AP2A2: variants seen among roughly 807,000 people sequenced by gnomAD.
The protein encoded by AP2A2 is adaptor related protein complex 2 subunit alpha 2, also known as AP-2 complex subunit alpha-2.
A neutral mutation model predicts 104.2 loss-of-function variants in AP2A2; 32 were observed. That is an observed-to-expected ratio of 0.31 (90% CI 0.23 to 0.41). The LOEUF (loss-of-function observed/expected upper bound fraction) is 0.41, where lower values mean the gene tolerates loss of function less well. Among genes scored for constraint, AP2A2 ranks in the 10% least tolerant of loss-of-function variants. The probability of loss-of-function intolerance (pLI) is 1.00; values close to 1 mark genes in which losing one functional copy is unlikely to be tolerated. For synonymous variants in AP2A2, 539 were observed against 533.3 expected (o/e 1.01, Z -0.15); for missense variants, 912 against 1,261.0 (o/e 0.72, Z 4.19).
chr11:1,008,051 A>AG lies in AP2A2; in HGVS notation c.2342dup (p.Ala782ArgfsTer98). 1 of 1,577,822 alleles carries AG rather than the reference A, an allele frequency of 6.3e-7. No individual in the cohort carries two copies. On this transcript the variant is annotated frameshift_variant, in exon 18 of 22. Transcript: ENST00000448903. LOFTEE classifies it high-confidence loss of function. ...ACCAAGCCCGTGGACCCGACCGTGG[A>AG]GGGGGGCGCGCAGGTGCAGCAGGTG...
chr11:983,548 A>G (rs1404136567), intron 6 of AP2A2, among the ~76,000 whole-genome samples: 4 of 150,938 alleles, frequency 2.7e-5, no homozygotes, highest in African/African-American at 4.9e-5. Context: ...ATGCCTGGCT[A>G]ATTTTTTGTA....
intron 14 of AP2A2, among the ~76,000 whole-genome samples, chr11:998,654 C>T (rs1855933769): frequency 6.6e-6 from 1 of 152,220 alleles, no homozygotes. Context: ...AGTCAGAGCC[C>T]TCCACATCTC....
At chr11:936,843 G>T (rs959429925) in intron 1 of AP2A2, among the ~76,000 whole-genome samples, 2 of 152,106 alleles carry the variant, frequency 1.3e-5, no homozygotes, top group Non-Finnish European at 2.9e-5. Context: ...GCAGCCTGTA[G>T]TCTGGGGCTA....
intron 16 of AP2A2, among the ~76,000 whole-genome samples, chr11:1,005,239 G>C (rs1856166584): frequency 6.6e-6 from 1 of 152,260 alleles, no homozygotes; most frequent in South Asian, 2.1e-4. Flanking sequence ...ACACGGGCCA[G>C]ACACCTGGAC....
rs375531485 is a variant in AP2A2 at position 972,140 on chromosome 11, C to T, written c.358C>T (p.Leu120=). The T allele has an allele frequency of 5.6e-6, 9 of 1,613,534 alleles. No individual in the cohort carries two copies. The highest frequency in any genetic ancestry group is 1.1e-5 in the South Asian group (1 of 91,036). The change falls in exon 4 of 22, where the codon CTG becomes TTG. Residue 120 remains leucine, a synonymous_variant. Transcript: ENST00000448903. The part of the protein sequence containing the change: ...RLINNAIKND[L]ASRNPTFMGL... ...GATCAACAACGCCATCAAGAATGAC[C>T]TGGCCAGCCGCAACCCCACCTTCAT...
chr11:991,708 TG>T (rs1194397214), intron 10 of AP2A2, among the ~76,000 whole-genome samples: 2 of 17,790 alleles, frequency 1.1e-4, no homozygotes, highest in South Asian at 1.6e-3. Flanking sequence ...GGACTTGGGG[TG>T]GGGGGGCACA....
chr11:986,192 C>G (rs1051577652), intron 8 of AP2A2, among the ~76,000 whole-genome samples: 1 of 152,218 alleles, frequency 6.6e-6, no homozygotes, highest in Non-Finnish European at 1.5e-5. Context: ...GGGCACGTGC[C>G]AGGCTGTGGG....
chr11:940,811 C>G (rs1484473821), intron 1 of AP2A2: 1 of 456,280 alleles, frequency 2.2e-6, no homozygotes, highest in Admixed American at 2.3e-5. Context: ...TGGCAGGGGC[C>G]TTCGCTGCAG....
chr11:968,933 C>T lies in AP2A2; in HGVS notation c.137-1236C>T, dbSNP rs556280766. Among the ~76,000 whole-genome samples, 3 of 152,336 alleles carry T rather than the reference C, an allele frequency of 2.0e-5. No homozygotes were observed. Among genetic ancestry groups the T allele is most frequent in the African/African-American group, 7.2e-5 (3 of 41,572 alleles). On this transcript the variant is annotated intron_variant, in intron 2 of 21. Transcript: ENST00000448903. The surrounding 1 kb of genome is among the most constrained non-coding windows in gnomAD (Gnocchi z 4.2). ...GCAGCTGACTGGCCGACTGGTGATG[C>T]ACCGTTCCCCAGGAAATGTGGCCGG...
rs1252577378 is a variant in AP2A2, at chr11:990,919, A to G, written c.1270-1584A>G. On this transcript the variant is annotated intron_variant, in intron 10 of 21. Transcript: ENST00000448903. ...TTCAGCTGGGCATGGTGCTCCCCCC[A>G]CCCCATCCTTTCAGTCGGGTATGGT... is the stretch of plus-strand genomic sequence containing the variant. Among the ~76,000 whole-genome samples, 49 of 97,358 alleles carry G rather than the reference A, an allele frequency of 5.0e-4. 1 individual carries two copies. Among genetic ancestry groups the G allele is most frequent in the African/African-American group, 2.0e-3 (48 of 24,250 alleles). 63.9% of individuals were successfully genotyped at this position (97,358 alleles called of 152,430 possible).
At chr11:931,926 C>T (rs1323603842) in intron 1 of AP2A2, among the ~76,000 whole-genome samples, 1 of 151,754 alleles carries the variant, frequency 6.6e-6, no homozygotes, top group Admixed American at 6.6e-5. Flanking sequence ...GCCTCAGCCT[C>T]CTGAGTAGCT....
rs918355478 is a variant in AP2A2 at position 993,569 on chromosome 11, G to A, written c.1551-185G>A. Reference sequence around the variant, plus strand: ...AGGGATTCTAGTAGAAAATGGAGACGTGGGGTTGATGGCTGACTTAGTGAA... The same window carrying A: ...AGGGATTCTAGTAGAAAATGGAGACATGGGGTTGATGGCTGACTTAGTGAA... On this transcript the variant is annotated intron_variant, in intron 12 of 21. Transcript: ENST00000448903. This position sits in a 1 kb window ranked among gnomAD's most constrained non-coding sequence, Gnocchi z 8.2. Among the ~76,000 whole-genome samples, 1 of 152,164 alleles carries A rather than the reference G, an allele frequency of 6.6e-6. No individual in the cohort carries two copies. The highest frequency in any genetic ancestry group is 2.4e-5 in the African/African-American group (1 of 41,440).
At chr11:929,085 G>A (rs970806941) in intron 1 of AP2A2, among the ~76,000 whole-genome samples, 2 of 152,212 alleles carry the variant, frequency 1.3e-5, no homozygotes, top group African/African-American at 4.8e-5. Flanking sequence ...AGGTATTAGA[G>A]GAACAGCAAA....
At chr11:988,398 G>A (rs952838457) in intron 9 of AP2A2, among the ~76,000 whole-genome samples, 154 bp from the exon 10 acceptor site, 2 of 152,218 alleles carry the variant, frequency 1.3e-5, no homozygotes, top group African/African-American at 4.8e-5. Context: ...CCAGACACAC[G>A]TGGCCCGAGT....
At chr11:982,291 T>A (rs527855339) in intron 6 of AP2A2, among the ~76,000 whole-genome samples, 1 of 152,328 alleles carries the variant, frequency 6.6e-6, no homozygotes, top group East Asian at 1.9e-4. Context: ...CCTCAAGCAA[T>A]CTTCCTGCTT....
chr11:1,005,688 C>T (rs1856179902), intron 16 of AP2A2, among the ~76,000 whole-genome samples: 1 of 152,144 alleles, frequency 6.6e-6, no homozygotes, highest in South Asian at 2.1e-4. Context: ...GAGAATTAGT[C>T]CTCTGCCCGC....
chr11:998,092 T>C (rs939563219), intron 14 of AP2A2, among the ~76,000 whole-genome samples: 1 of 152,228 alleles, frequency 6.6e-6, no homozygotes, highest in Non-Finnish European at 1.5e-5. Flanking sequence ...GGCCACAGTG[T>C]TGGCGGGCGC....
chr11:930,380 C>A (rs1482430528), intron 1 of AP2A2, among the ~76,000 whole-genome samples: 1 of 152,092 alleles, frequency 6.6e-6, no homozygotes, highest in East Asian at 1.9e-4. Context: ...CTAAAATTAA[C>A]TTCATCCTTT....
In AP2A2 at chr11:986,842, C is replaced by T. The variant is rs747326791; in HGVS notation, c.1020C>T (p.Arg340=). The T allele has an allele frequency of 3.4e-5, 55 of 1,612,806 alleles. No individual in the cohort carries two copies. Among genetic ancestry groups the T allele is most frequent in the South Asian group, 6.6e-5 (6 of 90,696 alleles). The change falls in exon 9 of 22, where the codon CGC becomes CGT. Residue 340 remains arginine (R), a synonymous_variant. Transcript: ENST00000448903. ...CNQLGQFLQH[R]ETNLRYLALE... ...AGTTGGGCCAGTTTCTGCAGCACCGCGAGACCAACCTGCGCTACCTGGCCC... is the reference window on the plus strand; with the variant it reads ...AGTTGGGCCAGTTTCTGCAGCACCGTGAGACCAACCTGCGCTACCTGGCCC...
Sources: allele counts gnomAD v4.1 joint callset (sites outside exome capture counted in the v4.1 genomes callset), GRCh38; gene constraint gnomAD v4.1.1; non-coding constraint Gnocchi (gnomAD v3.1); transcripts MANE v1.5; gene names NCBI Gene and HGNC (gene_info 2026-07-23, HGNC 2026-07-21).